Variants in C16orf78 observed in about 807,000 individuals in gnomAD.
C16orf78 encodes the protein chromosome 16 open reading frame 78.
C16orf78 carries 19 observed loss-of-function variants against 27.3 expected under a neutral mutation model. The ratio of observed to expected loss-of-function variants is 0.70; its 90% CI spans 0.49 to 1.02. The LOEUF is 1.02. Ranked by LOEUF, C16orf78 falls within the 50% of genes least tolerant of loss-of-function variation. The probability of loss-of-function intolerance (pLI) is 0.00; values close to 1 mark genes in which losing one functional copy is unlikely to be tolerated. For synonymous variants in C16orf78, 130 were observed against 116.1 expected (o/e 1.12, Z -0.77); for missense variants, 339 against 337.0 (o/e 1.01, Z -0.05).
chr16:49,385,814 T>A (rs1965343895), intron 3 of C16orf78, among the ~76,000 whole-genome samples: 1 of 151,866 alleles, frequency 6.6e-6, no homozygotes. Context: ...ACAAAGAAAC[T>A]ACAAAGCAGT....
chr16:49,377,378 G>A (rs572654567), intron 1 of C16orf78, among the ~76,000 whole-genome samples: 4 of 152,126 alleles, frequency 2.6e-5, no homozygotes, highest in Non-Finnish European at 4.4e-5. Context: ...CACACTGGAG[G>A]CAGGGGCAGG....
At chr16:49,385,430 T>C (rs992910704) in intron 3 of C16orf78, among the ~76,000 whole-genome samples, 2 of 152,152 alleles carry the variant, frequency 1.3e-5, no homozygotes, top group Admixed American at 1.3e-4. Flanking sequence ...CCCAACACTT[T>C]GGGAGGCCGA....
intron 3 of C16orf78, among the ~76,000 whole-genome samples, chr16:49,379,483 C>A (rs1421694859): frequency 1.4e-5 from 2 of 142,124 alleles, no homozygotes; most frequent in Non-Finnish European, 3.0e-5. Flanking sequence ...TTGTACCCAA[C>A]AACAGCAACA....
chr16:49,374,177 C>G, intron 1 of C16orf78, 88 bp downstream of exon 1: 1 of 1,504,848 alleles, frequency 6.6e-7, no homozygotes, highest in African/African-American at 1.4e-5. Context: ...TCTCCTGAAA[C>G]AAAAGGCGGG....
At chr16:49,392,954 C>G (rs969753183) in intron 3 of C16orf78, among the ~76,000 whole-genome samples, 12 of 152,126 alleles carry the variant, frequency 7.9e-5, no homozygotes, top group Admixed American at 4.6e-4. Context: ...GTGAATAAGT[C>G]TCATGAGATC....
intron 3 of C16orf78, among the ~76,000 whole-genome samples, chr16:49,379,592 A>T (rs140870002): frequency 6.6e-6 from 1 of 152,224 alleles, no homozygotes; most frequent in Non-Finnish European, 1.5e-5. Flanking sequence ...CTTTCAGTGC[A>T]GTTTAGGATC....
intron 3 of C16orf78, among the ~76,000 whole-genome samples, chr16:49,393,191 C>A (rs1391859853): frequency 6.6e-6 from 1 of 152,132 alleles, no homozygotes; most frequent in Non-Finnish European, 1.5e-5. Context: ...GCCTTCCAAC[C>A]CACATCTCCC....
rs372608647 is a variant in C16orf78, at chr16:49,396,449, C to G, written c.421C>G (p.Pro141Ala). The G allele has an allele frequency of 1.8e-5, 29 of 1,613,996 alleles. No individual in the cohort carries two copies. The highest frequency in any genetic ancestry group is 2.4e-5 in the Non-Finnish European group (28 of 1,180,028). Residue 141 changes from proline to alanine, a missense_variant, in exon 4 of 5, where the codon CCA becomes GCA. Coordinates refer to ENST00000299191, the MANE Select transcript of C16orf78 (RefSeq NM_144602.4). ...SDTDIKDAVD[P>A]ESTQRPNPFR... ...TACAGACATCAAGGATGCAGTCGAC[C>G]CAGAGTCCACTCAGCGGCCAAACCC...
chr16:49,377,969 C>A, intron 2 of C16orf78, 119 bp downstream of exon 2: 1 of 1,350,800 alleles, frequency 7.4e-7, no homozygotes, highest in Non-Finnish European at 1.0e-6. Context: ...CCGAAATTCA[C>A]TCTGGCCCCA....
At chr16:49,378,813 G>C (rs982554307) in intron 3 of C16orf78, among the ~76,000 whole-genome samples, 1 of 152,204 alleles carries the variant, frequency 6.6e-6, no homozygotes, top group African/African-American at 2.4e-5. Context: ...GCAAGTGTCT[G>C]TCAAGGCCCT....
Position 49,377,793 on chromosome 16 carries a change from C to T in C16orf78, c.213C>T (p.Gly71=). ...ATAAGAAGAAGGAAGAGAAGAAAGG[C>T]AAAGGCCTCATGACAGCACGGGGAG... The part of the protein sequence containing the change: ...KRNKKKEEKK[G]KGLMTARGGN... The change falls in exon 2 of 5, where the codon GGC becomes GGT. Residue 71 remains glycine (G), a synonymous_variant. Transcript: ENST00000299191. The T allele has an allele frequency of 6.3e-7, 1 of 1,596,006 alleles. No homozygotes were observed.
At chr16:49,385,527 T>C (rs933680999) in intron 3 of C16orf78, among the ~76,000 whole-genome samples, 19 of 151,828 alleles carry the variant, frequency 1.3e-4, no homozygotes, top group African/African-American at 4.4e-4. Context: ...CCAGACTTGG[T>C]GGCATGCGCC....
At chr16:49,382,360 CGTAA>C (rs1965296334) in intron 3 of C16orf78, among the ~76,000 whole-genome samples, 1 of 151,630 alleles carries the variant, frequency 6.6e-6, no homozygotes, top group Non-Finnish European at 1.5e-5. Context: ...CACATGTATA[CGTAA>C]GTAACTAACC....
chr16:49,386,219 A>C (rs1965349087), intron 3 of C16orf78, among the ~76,000 whole-genome samples: 1 of 152,164 alleles, frequency 6.6e-6, no homozygotes, highest in Non-Finnish European at 1.5e-5. Flanking sequence ...AATTAACAGA[A>C]CTGAAAGGAG....
At chr16:49,380,877 T>G (rs1442368229) in intron 3 of C16orf78, among the ~76,000 whole-genome samples, 1 of 151,306 alleles carries the variant, frequency 6.6e-6, no homozygotes, top group Non-Finnish European at 1.5e-5. Flanking sequence ...CAGCACCATT[T>G]ATTAAATAGG....
In C16orf78 at chr16:49,398,506, G is replaced by A. The variant is rs76003227; in HGVS notation, c.651-625G>A. 3.0e-3 allele frequency among the ~76,000 whole-genome samples: 450 copies of A among 152,268 alleles called. 10 individuals are homozygous for A. In the East Asian group the frequency reaches 0.038, roughly 13 times the overall value. On this transcript the variant is annotated intron_variant, in intron 4 of 4. Coordinates refer to ENST00000299191, the MANE Select transcript of C16orf78 (RefSeq NM_144602.4). ...ATATTATTAAAAACAAATGCTCACC[G>A]CTATGCCTGCAACATTGCTCAGCGA...
intron 1 of C16orf78, among the ~76,000 whole-genome samples, chr16:49,375,341 T>TA (rs200087714): frequency 2.5e-4 from 38 of 150,784 alleles, no homozygotes; most frequent in Non-Finnish European, 4.1e-4. Flanking sequence ...AAAAAAAAAA[T>TA]AAAAAAAAAT....
At chr16:49,381,222 G>C (rs1480566896) in intron 3 of C16orf78, among the ~76,000 whole-genome samples, 1 of 152,136 alleles carries the variant, frequency 6.6e-6, no homozygotes, top group Non-Finnish European at 1.5e-5. Context: ...TTTACCTTGG[G>C]CAGTATGGCC....
intron 3 of C16orf78, among the ~76,000 whole-genome samples, chr16:49,391,893 A>AT (rs1167631696): frequency 3.3e-5 from 5 of 152,080 alleles, no homozygotes; most frequent in South Asian, 4.2e-4. Context: ...CATAGCGCCA[A>AT]TTTCCTCCAC....
Sources: allele counts gnomAD v4.1 joint callset (sites outside exome capture counted in the v4.1 genomes callset), GRCh38; gene constraint gnomAD v4.1.1; transcripts MANE v1.5; gene names NCBI Gene and HGNC (gene_info 2026-07-23, HGNC 2026-07-21).